The following LIM2 variants were observed in gnomAD, a reference collection of about 807,000 sequenced individuals.
LIM2 encodes the protein lens fiber membrane intrinsic protein.
In LIM2, 14 loss-of-function variants were observed where a neutral mutation model predicts 19.0. The observed-to-expected ratio is 0.74, with a 90% CI of 0.49 to 1.15. The LOEUF is 1.15. Ranked by LOEUF, LIM2 falls within the 50% of genes most tolerant of loss-of-function variation. The pLI is 0.00. For missense variants in LIM2, 230 were observed against 243.5 expected, an observed-to-expected ratio of 0.94 and a Z score of 0.37; for synonymous variants, 78 against 89.6, an observed-to-expected ratio of 0.87 and a Z score of 0.73.
rs1204292241 is a variant in LIM2 at position 51,380,129 on chromosome 19, C to T, written c.*72G>A. ...TCCCCTAGGAACCAGGATTTCAGGCCTCTAGACCCTCCTCCTCCTCTTCAG... is the reference window on the plus strand; with the variant it reads ...TCCCCTAGGAACCAGGATTTCAGGCTTCTAGACCCTCCTCCTCCTCTTCAG... On this transcript the variant is annotated 3_prime_UTR_variant, in exon 5 of 5. Coordinates refer to ENST00000596399, the MANE Select transcript of LIM2 (RefSeq NM_001161748.2). The T allele has an allele frequency of 6.9e-6, 10 of 1,450,652 alleles. No individual in the cohort carries two copies. The highest frequency in any genetic ancestry group is 9.6e-6 in the Non-Finnish European group (10 of 1,041,952). The allele number at this position is 1,450,652 out of a possible 1,614,324, so 89.9% of individuals were successfully genotyped here.
In LIM2 at chr19:51,385,419, G is replaced by A. The variant is rs534249358; in HGVS notation, c.175+1850C>T. 4.6e-5 allele frequency among the ~76,000 whole-genome samples: 7 copies of A among 152,260 alleles called. 1 individual carries two copies. Among genetic ancestry groups the A allele is most frequent in the African/African-American group, 1.7e-4 (7 of 41,556 alleles). On this transcript the variant is annotated intron_variant, in intron 2 of 4. Coordinates refer to ENST00000596399, the MANE Select transcript of LIM2 (RefSeq NM_001161748.2). ...GCCTGTAATCCCAGCTACTCGGGAGGCTGAGGCAAGGAGAATTGCTTGAAC... is the reference window on the plus strand; with the variant it reads ...GCCTGTAATCCCAGCTACTCGGGAGACTGAGGCAAGGAGAATTGCTTGAAC...
At chr19:51,385,403 C>G (rs1394604347) in intron 2 of LIM2, among the ~76,000 whole-genome samples, 1 of 152,070 alleles carries the variant, frequency 6.6e-6, no homozygotes, top group Non-Finnish European at 1.5e-5. Flanking sequence ...CGCCTGTAAT[C>G]CCAGCTACTC....
intron 3 of LIM2, among the ~76,000 whole-genome samples, chr19:51,381,042 G>C (rs576312522): frequency 6.6e-6 from 1 of 152,170 alleles, no homozygotes; most frequent in South Asian, 2.1e-4. Flanking sequence ...CAGGCACAGT[G>C]ACTCATGCGT....
At position 51,382,485 on chromosome 19, in the gene LIM2, G is replaced by T; in HGVS notation, c.258C>A (p.Phe86Leu). ...TGCGGGAGAAGGTAGGCTGATGAGCGAAGGCCATGATGCCCATGATGATGC... is the reference window on the plus strand; with the variant it reads ...TGCGGGAGAAGGTAGGCTGATGAGCTAAGGCCATGATGCCCATGATGATGC... ...ISGIIMGIMA[F>L]AHQPTFSRIS... Residue 86 changes from phenylalanine to leucine, a missense_variant, in exon 3 of 5, where the codon TTC becomes TTA. Transcript: ENST00000596399. 1.2e-6 allele frequency: 2 copies of T among 1,613,986 alleles called. No individual in the cohort carries two copies. The highest frequency in any genetic ancestry group is 8.5e-7 in the Non-Finnish European group (1 of 1,179,976).
intron 2 of LIM2, among the ~76,000 whole-genome samples, chr19:51,386,587 A>G (rs1304831405): frequency 6.9e-6 from 1 of 144,856 alleles, no homozygotes; most frequent in East Asian, 2.2e-4. Context: ...TGGATTCTAC[A>G]TCATATATAA....
At position 51,382,546 on chromosome 19, in the gene LIM2, G is replaced by A. The variant is rs1234121363; in HGVS notation, c.197C>T (p.Ala66Val). The change falls in exon 3 of 5, where the codon GCC becomes GTC. Residue 66 changes from alanine to valine, a missense_variant. Coordinates refer to ENST00000596399, the MANE Select transcript of LIM2 (RefSeq NM_001161748.2). ...GCATAGGGCAGACAGGATCATGAAG[G>A]CCCGGGTGGCATTCCAGTATGCTGT... ...DSIAYWNATRAFMILSALCAI... is the reference protein window; with the variant it reads ...DSIAYWNATRVFMILSALCAI... The A allele has an allele frequency of 2.1e-5, 34 of 1,613,578 alleles. No homozygotes were observed. The highest frequency in any genetic ancestry group is 2.9e-5 in the Non-Finnish European group (34 of 1,179,894).
chr19:51,387,704 G>A (rs560430079), intron 1 of LIM2, among the ~76,000 whole-genome samples: 2 of 152,084 alleles, frequency 1.3e-5, no homozygotes, highest in Non-Finnish European at 2.9e-5. Context: ...CGGGGGCCTG[G>A]ACTTCCAGGT....
chr19:51,387,001 AG>A (rs1987073841), intron 2 of LIM2: 3 of 707,802 alleles, frequency 4.2e-6, no homozygotes, highest in Non-Finnish European at 7.8e-6. Context: ...TCGTGACACT[AG>A]CCCCAATTGC....
At chr19:51,382,376 T>C (rs770166623) in intron 3 of LIM2, 42 bp downstream of exon 3, 1 of 1,603,212 alleles carries the variant, frequency 6.2e-7, no homozygotes, top group Non-Finnish European at 8.5e-7. Flanking sequence ...GGGTTTGAGA[T>C]GAGAGCGAGG....
chr19:51,379,962 A>G lies in LIM2; in HGVS notation c.*239T>C. On this transcript the variant is annotated 3_prime_UTR_variant, in exon 5 of 5. Coordinates refer to ENST00000596399, the MANE Select transcript of LIM2 (RefSeq NM_001161748.2). ...AGAAAGTTGCTCTAATGGATAGTCC[A>G]TTTTTCTAACAACCTGCCAGGCAGA... 1.7e-6 allele frequency: 1 copy of G among 596,534 alleles called. No homozygotes were observed. The highest frequency in any genetic ancestry group is 3.0e-6 in the Non-Finnish European group (1 of 335,176). The allele number at this position is 596,534 out of a possible 1,614,324, so 37.0% of individuals were successfully genotyped here. A position where few individuals can be genotyped will look rare whatever the true frequency, so the allele number is the denominator to read the frequency against.
At chr19:51,383,122 C>T (rs942090414) in intron 2 of LIM2, among the ~76,000 whole-genome samples, 1 of 147,420 alleles carries the variant, frequency 6.8e-6, no homozygotes, top group South Asian at 2.1e-4. Flanking sequence ...GCAGCCTCCA[C>T]CTCTGAGGTT....
At chr19:51,382,123 C>T (rs966122288) in intron 3 of LIM2, among the ~76,000 whole-genome samples, 3 of 152,306 alleles carry the variant, frequency 2.0e-5, no homozygotes, top group Non-Finnish European at 4.4e-5. Context: ...CTGCTTGCAG[C>T]TTGTAGCTGA....
At position 51,384,810 on chromosome 19, in the gene LIM2, G is replaced by A. The variant is rs111797632; in HGVS notation, c.176-2243C>T. ...TGGAATCCCAGCACTTTGGGAGGCC[G>A]AGGCAGGAGGATTGCTTGAGGCCAG... On this transcript the variant is annotated intron_variant, in intron 2 of 4. Coordinates refer to ENST00000596399, the MANE Select transcript of LIM2 (RefSeq NM_001161748.2). Among the ~76,000 whole-genome samples the A allele has an allele frequency of 4.6e-3, 699 of 152,282 alleles. 3 individuals are homozygous for A. Among genetic ancestry groups the A allele is most frequent in the African/African-American group, 0.016 (673 of 41,560 alleles).
chr19:51,380,762 G>T, intron 3 of LIM2, 123 bp from the exon 4 acceptor site: 1 of 1,159,944 alleles, frequency 8.6e-7, no homozygotes, highest in Non-Finnish European at 1.3e-6. Context: ...ATGGGTTGGG[G>T]GTGGGGATAG....
rs935432197 is a variant in LIM2 at position 51,382,337 on chromosome 19, G to T, written c.325+81C>A. 35 of 1,521,386 alleles carry T rather than the reference G, an allele frequency of 2.3e-5. No individual in the cohort carries two copies. In the Admixed American group the frequency reaches 5.7e-4, roughly 25 times the overall value. 94.2% of individuals were successfully genotyped at this position (1,521,386 alleles called of 1,614,324 possible). On this transcript the variant is annotated intron_variant, in intron 3 of 4. Coordinates refer to ENST00000596399, the MANE Select transcript of LIM2 (RefSeq NM_001161748.2). ...GAGTGTGAGGAGGAGTAAGGGGTGA[G>T]AATGGTGTTGAGGGGTGGGGACAGA...
chr19:51,387,348 C>T lies in LIM2; in HGVS notation c.96G>A (p.Arg32=). ...CCTGGTGGGCGAAGGACCCTGACAG[C>T]CGGTACTGCATCCAGTGGTCTGTTG... ...AMATDHWMQY[R]LSGSFAHQGL... is the part of the protein sequence containing the mutation. The change falls in exon 2 of 5, where the codon CGG becomes CGA. Residue 32 remains arginine (R), a synonymous_variant. Transcript: ENST00000596399. The T allele has an allele frequency of 6.2e-7, 1 of 1,614,166 alleles. No individual in the cohort carries two copies. The highest frequency in any genetic ancestry group is 8.5e-7 in the Non-Finnish European group (1 of 1,180,040).
chr19:51,380,626 C>G lies in LIM2; in HGVS notation c.339G>C (p.Val113=). The change falls in exon 4 of 5, where the codon GTG becomes GTC. Residue 113 remains valine (V), a synonymous_variant. Coordinates refer to ENST00000596399, the MANE Select transcript of LIM2 (RefSeq NM_001161748.2). ...CTCCAGTGTAGATGGCCAAGGCCAACACGACGAAAAGGGCTGGGGAGAGAG... is the reference window on the plus strand; with the variant it reads ...CTCCAGTGTAGATGGCCAAGGCCAAGACGACGAAAAGGGCTGGGGAGAGAG... The part of the protein sequence containing the change: ...IMFFSSTLFV[V]LALAIYTGVT... The G allele has an allele frequency of 6.2e-7, 1 of 1,614,072 alleles. No individual in the cohort carries two copies. The highest frequency in any genetic ancestry group is 8.5e-7 in the Non-Finnish European group (1 of 1,180,020).
At chr19:51,385,478 T>C (rs2741239) in intron 2 of LIM2, among the ~76,000 whole-genome samples, 2,626 of 152,168 alleles carry the variant, frequency 0.017, 79 homozygotes, top group African/African-American at 0.059. Flanking sequence ...GCCGAGATAG[T>C]GCCATTGCAC....
At chr19:51,383,027 CTTTTTTTTTTT>C (rs1163859181) in intron 2 of LIM2, among the ~76,000 whole-genome samples, 4,296 of 88,570 alleles carry the variant, frequency 0.049, 231 homozygotes, top group African/African-American at 0.17. Flanking sequence ...TTTTTCTTTT[CTTTTTTTTTTT>C]TTTTTTTTTT....
Sources: gnomAD v4.1 joint callset for allele counts (sites outside exome capture counted in the v4.1 genomes callset) on GRCh38, gnomAD v4.1.1 for gene constraint, MANE v1.5 for transcripts, NCBI Gene and HGNC (gene_info 2026-07-23, HGNC 2026-07-21) for gene names.